PHF24: variants seen among roughly 807,000 people sequenced by gnomAD.
The protein encoded by PHF24 is Galpha inhibitory interacting protein.
In PHF24, 25 loss-of-function variants were observed where a neutral mutation model predicts 42.6. The observed-to-expected ratio is 0.59, with a 90% confidence interval of 0.43 to 0.82. The LOEUF (loss-of-function observed/expected upper bound fraction) is 0.82. Ranked by LOEUF, PHF24 falls within the 40% of genes least tolerant of loss-of-function variation. The pLI, the probability that PHF24 is intolerant of heterozygous loss-of-function variation, is 0.00. For synonymous variants in PHF24, 185 were observed against 204.8 expected, an observed-to-expected ratio of 0.90 and a Z score of 0.83; for missense variants, 470 against 538.1, an observed-to-expected ratio of 0.87 and a Z score of 1.25.
chr9:34,930,736 C>T, the PHF24 span, among the ~76,000 whole-genome samples: 1 of 152,040 alleles, frequency 6.6e-6, no homozygotes, highest in Non-Finnish European at 1.5e-5. Flanking sequence ...AGGAACTAGC[C>T]CAGATTACCT....
exon 8 of PHF24, chr9:34,978,646 A>G (rs1266484261): frequency 6.5e-6 from 1 of 153,494 alleles, no homozygotes; most frequent in Non-Finnish European, 1.5e-5. Context: ...TCCACCAAAA[A>G]TCCCTTCTGC....
the PHF24 span, among the ~76,000 whole-genome samples, chr9:34,881,609 A>T: frequency 2.9e-4 from 44 of 152,356 alleles, no homozygotes; most frequent in Non-Finnish European, 5.3e-4. Flanking sequence ...TAGAAAATCT[A>T]GAAGAAATGG....
chr9:34,727,710 C>T, the PHF24 span, among the ~76,000 whole-genome samples: 4 of 152,220 alleles, frequency 2.6e-5, no homozygotes, highest in African/African-American at 7.2e-5. Flanking sequence ...AAAACCCATT[C>T]TCTTAACTGG....
the PHF24 span, chr9:34,724,244 C>A: frequency 0.49 from 759,947 of 1,550,590 alleles, 192,857 homozygotes; most frequent in East Asian, 0.63. Flanking sequence ...CATGTCCCCA[C>A]TGGGCTGTGA....
At chr9:34,770,559 C>T in the PHF24 span, among the ~76,000 whole-genome samples, 6 of 152,218 alleles carry the variant, frequency 3.9e-5, no homozygotes, top group East Asian at 5.8e-4. Flanking sequence ...AACAGCTTTT[C>T]AGAGGACCCA....
At chr9:34,739,760 T>C in the PHF24 span, among the ~76,000 whole-genome samples, 17 of 152,172 alleles carry the variant, frequency 1.1e-4, no homozygotes, top group Non-Finnish European at 2.1e-4. Context: ...GCTTCCACAC[T>C]GTGGAAGGAT....
At chr9:34,828,896 T>C in the PHF24 span, among the ~76,000 whole-genome samples, 3 of 142,070 alleles carry the variant, frequency 2.1e-5, no homozygotes, top group African/African-American at 5.1e-5. Flanking sequence ...GGTGATGTTA[T>C]CCAGTTGCAT....
chr9:34,789,477 G>A, the PHF24 span, among the ~76,000 whole-genome samples: 1 of 152,216 alleles, frequency 6.6e-6, no homozygotes, highest in African/African-American at 2.4e-5. Context: ...AGCAATAGAG[G>A]GAGGAGCTAC....
the PHF24 span, among the ~76,000 whole-genome samples, chr9:34,719,401 C>T: frequency 6.6e-6 from 1 of 152,086 alleles, no homozygotes; most frequent in African/African-American, 2.4e-5. Flanking sequence ...CTCTCTTCAC[C>T]CTGGGGAAGA....
the PHF24 span, chr9:34,709,410 G>A: frequency 1.9e-6 from 3 of 1,610,122 alleles, no homozygotes; most frequent in Non-Finnish European, 2.5e-6. Flanking sequence ...CCCTTTAGGG[G>A]TCTGTGACCG....
the PHF24 span, among the ~76,000 whole-genome samples, chr9:34,674,529 A>G: frequency 1.3e-5 from 2 of 152,258 alleles, no homozygotes; most frequent in Non-Finnish European, 2.9e-5. Flanking sequence ...GCAGTCATAG[A>G]TATATTTAAA....
At chr9:34,861,441 A>G in the PHF24 span, among the ~76,000 whole-genome samples, 7 of 152,172 alleles carry the variant, frequency 4.6e-5, no homozygotes. Context: ...AAATTTCAAT[A>G]TTTTTTAAAT....
the PHF24 span, among the ~76,000 whole-genome samples, chr9:34,871,680 T>C: frequency 2.6e-5 from 4 of 152,194 alleles, no homozygotes; most frequent in Non-Finnish European, 5.9e-5. Context: ...CCAGCACCAT[T>C]TTCTCCTTTG....
At chr9:34,917,307 T>A in the PHF24 span, 1 of 963,148 alleles carries the variant, frequency 1.0e-6, no homozygotes, top group Non-Finnish European at 1.7e-6. Flanking sequence ...CTGCAAGACC[T>A]GGACCCTGGA....
chr9:34,771,561 A>G, the PHF24 span, among the ~76,000 whole-genome samples: 2 of 152,226 alleles, frequency 1.3e-5, no homozygotes, highest in African/African-American at 4.8e-5. Context: ...GTTTTCCCCA[A>G]TGGTTACATT....
chr9:34,887,149 A>G, the PHF24 span, among the ~76,000 whole-genome samples: 1 of 152,042 alleles, frequency 6.6e-6, no homozygotes, highest in Admixed American at 6.6e-5. Context: ...TCCACATCCA[A>G]TCTATCAGTA....
chr9:34,682,066 C>T, the PHF24 span, among the ~76,000 whole-genome samples: 1 of 37,262 alleles, frequency 2.7e-5, no homozygotes, highest in Non-Finnish European at 6.9e-5. Context: ...TCTCAACCTC[C>T]CAGGCTCGAG....
At chr9:34,832,762 AAGGCTT>A in the PHF24 span, 1 of 1,550,452 alleles carries the variant, frequency 6.4e-7, no homozygotes, top group Non-Finnish European at 8.7e-7. Context: ...TGGCCCTGCA[AAGGCTT>A]AGCCTGAGTT....
the PHF24 span, among the ~76,000 whole-genome samples, chr9:34,718,118 C>T: frequency 6.6e-6 from 1 of 152,246 alleles, no homozygotes; most frequent in African/African-American, 2.4e-5. Flanking sequence ...TCCCATGGGT[C>T]AGTCTGCCTG....
Sources: allele counts gnomAD v4.1 joint callset (sites outside exome capture counted in the v4.1 genomes callset), GRCh38; gene constraint gnomAD v4.1.1; transcripts MANE v1.5; gene names NCBI Gene and HGNC (gene_info 2026-07-23, HGNC 2026-07-21).